EVA1A: variants seen among roughly 807,000 people sequenced by gnomAD.
EVA1A encodes the protein eva-1 homolog A, regulator of programmed cell death.
In EVA1A, 7 loss-of-function variants were observed where a neutral mutation model predicts 9.8. The observed-to-expected ratio is 0.71, with a 90% CI of 0.41 to 1.34. The LOEUF (loss-of-function observed/expected upper bound fraction) is 1.34. Ranked by LOEUF, EVA1A falls within the 40% of genes most tolerant of loss-of-function variation. The probability of loss-of-function intolerance (pLI) is 0.01; values close to 1 mark genes in which losing one functional copy is unlikely to be tolerated. For synonymous variants in EVA1A, 90 were observed against 85.6 expected, an observed-to-expected ratio of 1.05 and a Z score of -0.28; for missense variants, 206 against 205.9, an observed-to-expected ratio of 1.00 and a Z score of 0.00.
intron 1 of EVA1A, among the ~76,000 whole-genome samples, chr2:75,539,526 G>T (rs1676036246): frequency 1.3e-5 from 2 of 152,152 alleles, no homozygotes; most frequent in African/African-American, 4.8e-5. Flanking sequence ...TAAAGAAATA[G>T]ACACTGCTTC....
Position 75,548,983 on chromosome 2 carries a change from A to AAAAT in EVA1A, c.-192+11696_-192+11697insATTT, listed in dbSNP as rs377340236. ...TGAACTGATGACTGGCTAAATGAAA[A>AAAAT]ATATATATATATATATATATATATA... On this transcript the variant is annotated intron_variant, in intron 1 of 3. Transcript: ENST00000393913. Among the ~76,000 whole-genome samples, 309 of 133,646 alleles carry AAAAT rather than the reference A, an allele frequency of 2.3e-3. 1 individual carries two copies. Among genetic ancestry groups the AAAAT allele is most frequent in the African/African-American group, 8.3e-3 (293 of 35,158 alleles). 87.7% of individuals were successfully genotyped at this position (133,646 alleles called of 152,430 possible).
chr2:75,555,336 T>TCTCTCTCTCTCTCTCC (rs766586263), intron 1 of EVA1A, among the ~76,000 whole-genome samples: 1,194 of 102,150 alleles, frequency 0.012, 77 homozygotes, highest in Non-Finnish European at 0.017. Flanking sequence ...TCTCTCTCTC[T>TCTCTCTCTCTCTCTCC]CCCCCATCTC....
intron 3 of EVA1A, among the ~76,000 whole-genome samples, chr2:75,499,401 C>T (rs1319185229): frequency 6.6e-6 from 1 of 152,156 alleles, no homozygotes; most frequent in Non-Finnish European, 1.5e-5. Context: ...GGAGAAAAGT[C>T]AGTGGGCACA....
intron 2 of EVA1A, among the ~76,000 whole-genome samples, chr2:75,520,416 A>T (rs1427142273): frequency 6.6e-6 from 1 of 152,230 alleles, no homozygotes; most frequent in African/African-American, 2.4e-5. Context: ...AAAGTTAGAC[A>T]TCTCACTCTT....
chr2:75,525,844 C>T (rs1337721170), intron 1 of EVA1A, among the ~76,000 whole-genome samples: 2 of 152,206 alleles, frequency 1.3e-5, no homozygotes, highest in Non-Finnish European at 2.9e-5. Context: ...AATGCTGTTA[C>T]AGCAGGGCTC....
rs185949830 is a variant in EVA1A at position 75,507,518 on chromosome 2, G to A, written c.85+10538C>T. On this transcript the variant is annotated intron_variant, in intron 3 of 3. Transcript: ENST00000393913. ...CCAGAGATAATCAGAGGGGGCCTCTGGAAGCCATTTAGACTCTCCAGCCTC... is the reference window on the plus strand; with the variant it reads ...CCAGAGATAATCAGAGGGGGCCTCTAGAAGCCATTTAGACTCTCCAGCCTC... Among the ~76,000 whole-genome samples, 460 of 152,226 alleles carry A rather than the reference G, an allele frequency of 3.0e-3. 1 individual carries two copies. The highest frequency in any genetic ancestry group is 3.5e-3 in the Admixed American group (54 of 15,284).
intron 1 of EVA1A, among the ~76,000 whole-genome samples, chr2:75,567,496 G>C (rs78071209): frequency 0.017 from 2,578 of 152,248 alleles, 78 homozygotes; most frequent in African/African-American, 0.058. Context: ...GAGTGATTTG[G>C]TTTGAAAGAT....
At chr2:75,545,116 T>C (rs1676283096) in intron 1 of EVA1A, among the ~76,000 whole-genome samples, 1 of 152,198 alleles carries the variant, frequency 6.6e-6, no homozygotes, top group African/African-American at 2.4e-5. Context: ...CACATAAGAT[T>C]TCATTGAAGA....
intron 3 of EVA1A, among the ~76,000 whole-genome samples, chr2:75,514,062 A>G (rs1674918159): frequency 1.3e-5 from 2 of 152,226 alleles, no homozygotes; most frequent in Admixed American, 1.3e-4. Context: ...TCATTTTGCT[A>G]CAAAATATAG....
intron 1 of EVA1A, among the ~76,000 whole-genome samples, chr2:75,537,736 CTCAT>C (rs1363129866): frequency 1.3e-5 from 2 of 152,080 alleles, no homozygotes; most frequent in East Asian, 3.9e-4. Context: ...TGAGTGGGTT[CTCAT>C]TCTATTACTT....
rs998538884 is a variant in EVA1A, at chr2:75,493,342, A to G, written c.353T>C (p.Leu118Pro). ...NKNVFTSAEE[L>P]ERAQRLEERE... ...CTCCTCCAGCCGCTGGGCGCGCTCC[A>G]GCTCCTCCGCAGAGGTGAACACATT... is the stretch of plus-strand genomic sequence containing the variant. Residue 118 changes from leucine (L) to proline (P), a missense_variant, in exon 4 of 4, where the codon CTG becomes CCG. Physicochemically the swap from Leu to Pro is moderately conservative, Grantham distance 98. Transcript: ENST00000393913. 6.2e-7 allele frequency: 1 copy of G among 1,614,164 alleles called. No individual in the cohort carries two copies. Among genetic ancestry groups the G allele is most frequent in the Admixed American group, 1.7e-5 (1 of 60,026 alleles).
intron 3 of EVA1A, among the ~76,000 whole-genome samples, chr2:75,512,349 C>T (rs112384673): frequency 0.024 from 3,699 of 152,116 alleles, 144 homozygotes; most frequent in African/African-American, 0.085. Flanking sequence ...GGAAATAAAA[C>T]ATATGTGGGA....
intron 1 of EVA1A, among the ~76,000 whole-genome samples, chr2:75,535,251 G>T (rs1490312090): frequency 7.6e-6 from 1 of 131,226 alleles, no homozygotes. Flanking sequence ...TACTGGAATG[G>T]CCATTATTAA....
chr2:75,497,238 G>A (rs573355534), intron 3 of EVA1A, among the ~76,000 whole-genome samples: 1 of 152,226 alleles, frequency 6.6e-6, no homozygotes, highest in South Asian at 2.1e-4. Context: ...ACTATCAACA[G>A]AGTAAACAGA....
rs1343843165 is a variant in EVA1A at position 75,568,665 on chromosome 2, G to C, written c.-192+811C>G. Among the ~76,000 whole-genome samples, 4 of 152,004 alleles carry C rather than the reference G, an allele frequency of 2.6e-5. No individual in the cohort carries two copies. In the East Asian group the frequency reaches 7.7e-4, roughly 29 times the overall value. On this transcript the variant is annotated intron_variant, in intron 1 of 3. Coordinates refer to the EVA1A transcript ENST00000233712. ...ATTTATTATATTGTTCTATGCCTTTGCATCCTCATAGTTTGGCTCTCATTC... is the reference window on the plus strand; with the variant it reads ...ATTTATTATATTGTTCTATGCCTTTCCATCCTCATAGTTTGGCTCTCATTC...
intron 3 of EVA1A, chr2:75,517,768 A>T: frequency 1.4e-6 from 1 of 717,576 alleles, no homozygotes. Flanking sequence ...GTTAATGCAT[A>T]GTGACAGAAG....
chr2:75,557,278 C>A (rs1424653621), intron 1 of EVA1A, among the ~76,000 whole-genome samples: 1 of 152,180 alleles, frequency 6.6e-6, no homozygotes, highest in Admixed American at 6.5e-5. Flanking sequence ...GCATTAGAAG[C>A]AATAGAAGAT....
intron 2 of EVA1A, among the ~76,000 whole-genome samples, chr2:75,520,339 A>T (rs374092613): frequency 1.3e-5 from 2 of 152,218 alleles, no homozygotes; most frequent in Non-Finnish European, 2.9e-5. Context: ...AAATAAAAAA[A>T]TCCATACTGA....
upstream of EVA1A, among the ~76,000 whole-genome samples, chr2:75,564,938 A>G (rs1325427607): frequency 6.6e-6 from 1 of 152,206 alleles, no homozygotes; most frequent in African/African-American, 2.4e-5. Flanking sequence ...AAAAACAAAA[A>G]CAAACTGAGT....
Sources: gnomAD v4.1 joint callset for allele counts (sites outside exome capture counted in the v4.1 genomes callset) on GRCh38, gnomAD v4.1.1 for gene constraint, MANE v1.5 for transcripts, NCBI Gene and HGNC (gene_info 2026-07-23, HGNC 2026-07-21) for gene names.